Variants in COLGALT2 observed in about 807,000 individuals in gnomAD.
COLGALT2 encodes the protein collagen beta(1-O)galactosyltransferase 2.
A neutral mutation model predicts 73.4 loss-of-function variants in COLGALT2; 49 were observed. The ratio of observed to expected loss-of-function variants is 0.67; its 90% CI spans 0.53 to 0.85. COLGALT2 has a LOEUF of 0.85. Among genes scored for constraint, COLGALT2 ranks in the 40% least tolerant of loss-of-function variants. COLGALT2 has a pLI of 0.00. For missense variants in COLGALT2, 722 were observed against 790.2 expected (o/e 0.91, Z 1.03); for synonymous variants, 295 against 307.6 (o/e 0.96, Z 0.43).
Position 183,956,848 on chromosome 1 carries a change from A to G in COLGALT2, c.953-2010T>C, listed in dbSNP as rs1279194712. On this transcript the variant is annotated intron_variant, in intron 6 of 11. Transcript: ENST00000361927. ...GAAGGCAGCAGTAAGCCACAGAGGA[A>G]AACAGGAAGTGATACAGTGAGTCAG... 3.3e-5 allele frequency among the ~76,000 whole-genome samples: 5 copies of G among 152,208 alleles called. No homozygotes were observed. The East Asian group carries it at 9.6e-4, about 29-fold the overall frequency.
At chr1:184,020,639 T>C (rs887495257) in intron 1 of COLGALT2, among the ~76,000 whole-genome samples, 7 of 152,196 alleles carry the variant, frequency 4.6e-5, no homozygotes, top group Non-Finnish European at 1.0e-4. Flanking sequence ...CTATCAGAGC[T>C]CTACCCCATT....
At chr1:184,037,036 G>T in intron 1 of COLGALT2, 59 bp downstream of exon 1, 3 of 1,325,228 alleles carry the variant, frequency 2.3e-6, no homozygotes, top group East Asian at 3.2e-5. Flanking sequence ...GGCGCTGTCC[G>T]CGCTGGGCAG....
intron 1 of COLGALT2, among the ~76,000 whole-genome samples, chr1:183,983,793 A>G (rs1188834001): frequency 6.6e-6 from 1 of 152,164 alleles, no homozygotes; most frequent in African/African-American, 2.4e-5. Context: ...TACTGCCTCG[A>G]ATCTGTTACC....
At chr1:184,033,267 AG>A (rs1649571954) in intron 1 of COLGALT2, among the ~76,000 whole-genome samples, 1 of 152,224 alleles carries the variant, frequency 6.6e-6, no homozygotes, top group Non-Finnish European at 1.5e-5. Context: ...AAGGAGGATG[AG>A]GTCAGCCTTC....
chr1:184,008,143 C>A (rs937728011), intron 1 of COLGALT2, among the ~76,000 whole-genome samples: 22 of 152,098 alleles, frequency 1.4e-4, no homozygotes, highest in African/African-American at 5.1e-4. Flanking sequence ...AGATGTGATA[C>A]CAAAGACACG....
chr1:184,027,690 A>G (rs1649371675), intron 1 of COLGALT2, among the ~76,000 whole-genome samples: 1 of 152,254 alleles, frequency 6.6e-6, no homozygotes, highest in African/African-American at 2.4e-5. Flanking sequence ...TGGTGGAATA[A>G]ATAAAAGGAT....
chr1:183,981,539 C>T (rs1671351948), intron 1 of COLGALT2, among the ~76,000 whole-genome samples: 1 of 151,878 alleles, frequency 6.6e-6, no homozygotes, highest in Non-Finnish European at 1.5e-5. Context: ...GCCTGTTAGT[C>T]CCAGCTACTT....
At chr1:183,962,303 A>G (rs1327480322) in intron 6 of COLGALT2, among the ~76,000 whole-genome samples, 1 of 151,302 alleles carries the variant, frequency 6.6e-6, no homozygotes, top group African/African-American at 2.4e-5. Context: ...GGGACTACAG[A>G]TGTGCACTAC....
intron 1 of COLGALT2, among the ~76,000 whole-genome samples, chr1:184,018,096 G>T (rs534494175): frequency 6.6e-6 from 1 of 152,230 alleles, no homozygotes; most frequent in Non-Finnish European, 1.5e-5. Context: ...AGACACAATT[G>T]TCATGTTAGT....
intron 1 of COLGALT2, among the ~76,000 whole-genome samples, chr1:184,027,384 C>T (rs1649363462): frequency 6.6e-6 from 1 of 152,194 alleles, no homozygotes; most frequent in South Asian, 2.1e-4. Context: ...GCTTAACACA[C>T]CAATTCCTAG....
chr1:183,937,165 G>C lies in COLGALT2; in HGVS notation c.*1596C>G, dbSNP rs1268771031. ...CCCGCCTGTGGACTCTGCTCTGAAG[G>C]GCCCTCCCCATGAGTTTAAGTGTGA... On this transcript the variant is annotated 3_prime_UTR_variant, in exon 12 of 12. Coordinates refer to ENST00000361927, the MANE Select transcript of COLGALT2 (RefSeq NM_015101.4). 8.1e-7 allele frequency: 1 copy of C among 1,227,714 alleles called. No homozygotes were observed. The highest frequency in any genetic ancestry group is 1.6e-5 in the African/African-American group (1 of 64,346). The allele number at this position is 1,227,714 out of a possible 1,614,324, so 76.1% of individuals were successfully genotyped here.
At chr1:183,998,296 T>C (rs1414515825) in intron 1 of COLGALT2, among the ~76,000 whole-genome samples, 1 of 152,216 alleles carries the variant, frequency 6.6e-6, no homozygotes, top group Non-Finnish European at 1.5e-5. Context: ...TGGTCATTCA[T>C]GTGCTTCCTC....
chr1:183,955,948 C>T (rs1428187692), intron 6 of COLGALT2, among the ~76,000 whole-genome samples: 1 of 152,130 alleles, frequency 6.6e-6, no homozygotes, highest in Non-Finnish European at 1.5e-5. Context: ...GCTCCACTCT[C>T]CAAGGGCTCC....
chr1:183,941,178 G>T (rs1230753869), intron 10 of COLGALT2, among the ~76,000 whole-genome samples: 1 of 152,214 alleles, frequency 6.6e-6, no homozygotes, highest in East Asian at 1.9e-4. Context: ...CTGTCTTCAG[G>T]TCCCCAGAGT....
intron 4 of COLGALT2, among the ~76,000 whole-genome samples, chr1:183,972,934 T>C (rs561246330): frequency 7.2e-5 from 11 of 152,234 alleles, no homozygotes; most frequent in Admixed American, 3.3e-4. Context: ...CTCCTGACCT[T>C]GTAATCCGCC....
chr1:184,003,430 T>C (rs1249443139), intron 1 of COLGALT2, among the ~76,000 whole-genome samples: 2 of 152,162 alleles, frequency 1.3e-5, no homozygotes, highest in African/African-American at 4.8e-5. Context: ...CTACTACCGA[T>C]AGATGCTCTG....
chr1:183,967,209 A>C (rs1485977610), intron 5 of COLGALT2, among the ~76,000 whole-genome samples: 1 of 152,242 alleles, frequency 6.6e-6, no homozygotes, highest in Non-Finnish European at 1.5e-5. Flanking sequence ...ATGACAGTGA[A>C]TCTTTCCTGC....
chr1:183,991,765 C>T (rs1357758228), intron 1 of COLGALT2, among the ~76,000 whole-genome samples: 2 of 152,116 alleles, frequency 1.3e-5, no homozygotes, highest in African/African-American at 4.8e-5. Flanking sequence ...CTCACACCCA[C>T]AGTAAATTGA....
At chr1:183,956,861 T>C (rs997537475) in intron 6 of COLGALT2, among the ~76,000 whole-genome samples, 1 of 152,162 alleles carries the variant, frequency 6.6e-6, no homozygotes, top group Non-Finnish European at 1.5e-5. Context: ...CAGGAAGTGA[T>C]ACAGTGAGTC....
Sources: gnomAD v4.1 joint callset for allele counts (sites outside exome capture counted in the v4.1 genomes callset) on GRCh38, gnomAD v4.1.1 for gene constraint, MANE v1.5 for transcripts, NCBI Gene and HGNC (gene_info 2026-07-23, HGNC 2026-07-21) for gene names.